The following LZTFL1 variants were observed in gnomAD, a reference collection of about 807,000 sequenced individuals.
LZTFL1 encodes the protein leucine zipper transcription factor like 1.
A neutral mutation model predicts 45.9 loss-of-function variants in LZTFL1; 25 were observed. That is an observed-to-expected ratio of 0.54 (90% CI 0.40 to 0.76). LZTFL1 has a LOEUF of 0.76. Among genes scored for constraint, LZTFL1 ranks in the 30% least tolerant of loss-of-function variants. The probability of loss-of-function intolerance (pLI) is 0.00; values close to 1 mark genes in which losing one functional copy is unlikely to be tolerated. For missense variants in LZTFL1, 277 were observed against 331.1 expected, an observed-to-expected ratio of 0.84 and a Z score of 1.27; for synonymous variants, 93 against 117.4, an observed-to-expected ratio of 0.79 and a Z score of 1.35.
At chr3:45,884,336 C>T (rs1701924862) in intron 2 of LZTFL1, among the ~76,000 whole-genome samples, 1 of 152,172 alleles carries the variant, frequency 6.6e-6, no homozygotes, top group Admixed American at 6.5e-5. Context: ...AAGGGAGTCA[C>T]ATTTGCACAA....
intron 4 of LZTFL1, among the ~76,000 whole-genome samples, chr3:45,851,533 T>G (rs944734094): frequency 1.3e-5 from 2 of 151,990 alleles, no homozygotes; most frequent in African/African-American, 2.4e-5. Flanking sequence ...CCAGCTGTGA[T>G]CTTCGAAACT....
intron 2 of LZTFL1, among the ~76,000 whole-genome samples, chr3:45,889,624 G>T (rs546905723): frequency 6.6e-6 from 1 of 151,866 alleles, no homozygotes; most frequent in South Asian, 2.1e-4. Flanking sequence ...GGTCACAGTG[G>T]TTCAGTCTCC....
chr3:45,842,307 G>C (rs941575346), upstream of LZTFL1: 2 of 692,842 alleles, frequency 2.9e-6, no homozygotes, highest in African/African-American at 3.6e-5. Context: ...AAGGTAGCGG[G>C]AGGGTTGGGC....
intron 2 of LZTFL1, among the ~76,000 whole-genome samples, chr3:45,860,222 A>T (rs1701463373): frequency 6.6e-6 from 1 of 152,196 alleles, no homozygotes; most frequent in Non-Finnish European, 1.5e-5. Context: ...AAATAAATAA[A>T]TAAATAAGTA....
At chr3:45,907,463 C>T (rs1031647824) in intron 2 of LZTFL1, among the ~76,000 whole-genome samples, 1 of 152,238 alleles carries the variant, frequency 6.6e-6, no homozygotes, top group East Asian at 1.9e-4. Flanking sequence ...CTGCAGCATC[C>T]TTCTGCAGAC....
chr3:45,854,450 AG>A lies in LZTFL1; in HGVS notation c.-49+535del, dbSNP rs1446489296. 2.0e-5 allele frequency: 3 copies of A among 153,320 alleles called. No individual in the cohort carries two copies. In the Admixed American group the frequency reaches 2.0e-4, roughly 10 times the overall value. 9.5% of individuals were successfully genotyped at this position (153,320 alleles called of 1,614,324 possible). ...TGTAGTGGTGCATGCCTGTAATCAC[AG>A]CTATTCAGGAGGCTGAGGCAGGAGA... is the stretch of plus-strand genomic sequence containing the variant. On this transcript the variant is annotated intron_variant, in intron 4 of 4. Transcript: ENST00000472635.
intron 4 of LZTFL1, among the ~76,000 whole-genome samples, chr3:45,847,807 A>G (rs959308571): frequency 1.3e-5 from 2 of 152,180 alleles, no homozygotes; most frequent in Non-Finnish European, 2.9e-5. Context: ...ATCCTTTCCT[A>G]TTACATTTTG....
intron 2 of LZTFL1, among the ~76,000 whole-genome samples, chr3:45,880,040 G>A (rs1203461808): frequency 6.6e-6 from 1 of 152,178 alleles, no homozygotes; most frequent in Non-Finnish European, 1.5e-5. Flanking sequence ...TACAGGCAGA[G>A]GTCCAGAGAA....
chr3:45,910,389 C>T (rs1330153729), intron 2 of LZTFL1, among the ~76,000 whole-genome samples: 7 of 152,112 alleles, frequency 4.6e-5, no homozygotes, highest in African/African-American at 7.2e-5. Flanking sequence ...TGAATCTGCA[C>T]GTTTGGGTGG....
intron 1 of LZTFL1, among the ~76,000 whole-genome samples, chr3:45,914,012 C>T (rs543587645): frequency 2.6e-4 from 39 of 152,296 alleles, no homozygotes; most frequent in African/African-American, 8.9e-4. Flanking sequence ...GAAACATCCT[C>T]CTCTCCAAGA....
intron 2 of LZTFL1, among the ~76,000 whole-genome samples, chr3:45,887,799 G>C (rs1702028584): frequency 6.6e-6 from 1 of 152,252 alleles, no homozygotes; most frequent in South Asian, 2.1e-4. Flanking sequence ...CGGTTGGCAG[G>C]CATCTGATCC....
At chr3:45,866,639 A>G (rs1480162844) in intron 2 of LZTFL1, among the ~76,000 whole-genome samples, 3 of 152,208 alleles carry the variant, frequency 2.0e-5, no homozygotes, top group African/African-American at 7.2e-5. Flanking sequence ...CTTTGAAAAC[A>G]TACCATGGCT....
At chr3:45,909,204 A>G (rs774039814) in intron 2 of LZTFL1, among the ~76,000 whole-genome samples, 1 of 152,244 alleles carries the variant, frequency 6.6e-6, no homozygotes, top group Non-Finnish European at 1.5e-5. Flanking sequence ...CTCATTATAC[A>G]TTACAATGTA....
intron 7 of LZTFL1, 60 bp from the exon 8 acceptor site, chr3:45,828,675 A>C: frequency 7.2e-7 from 1 of 1,382,074 alleles, no homozygotes; most frequent in East Asian, 2.3e-5. Flanking sequence ...TAACTGTTTT[A>C]GAATGGTGAT....
chr3:45,875,693 C>G (rs552023018), intron 2 of LZTFL1, among the ~76,000 whole-genome samples: 3 of 148,702 alleles, frequency 2.0e-5, no homozygotes, highest in Admixed American at 6.7e-5. Context: ...AAGAAAGAAA[C>G]AAAAGCAAAA....
At chr3:45,844,641 C>G (rs1408423578), upstream of LZTFL1, among the ~76,000 whole-genome samples, 1 of 152,152 alleles carries the variant, frequency 6.6e-6, no homozygotes, top group African/African-American at 2.4e-5. Flanking sequence ...TACAAGTTCT[C>G]TTCAACTTCC....
At chr3:45,848,810 G>A (rs58814888) in intron 4 of LZTFL1, among the ~76,000 whole-genome samples, 2,384 of 152,240 alleles carry the variant, frequency 0.016, 73 homozygotes, top group African/African-American at 0.055. Context: ...TTTTAGGGTA[G>A]TGAATTATAA....
At chr3:45,897,835 CAGG>C (rs1288444344) in intron 2 of LZTFL1, among the ~76,000 whole-genome samples, 2 of 152,040 alleles carry the variant, frequency 1.3e-5, no homozygotes, top group Non-Finnish European at 2.9e-5. Context: ...GGAGCTGCAG[CAGG>C]AGGAGAGCAG....
chr3:45,839,994 T>C (rs745511162), intron 1 of LZTFL1, among the ~76,000 whole-genome samples: 6 of 152,210 alleles, frequency 3.9e-5, no homozygotes, highest in Non-Finnish European at 7.3e-5. Context: ...CCTCGTATTA[T>C]TGATTATCTT....
Sources: allele counts gnomAD v4.1 joint callset (sites outside exome capture counted in the v4.1 genomes callset), GRCh38; gene constraint gnomAD v4.1.1; transcripts MANE v1.5; gene names NCBI Gene and HGNC (gene_info 2026-07-23, HGNC 2026-07-21).